Variants in THSD4 observed in about 807,000 individuals in gnomAD.
THSD4 encodes thrombospondin type 1 domain containing 4, also known as thrombospondin type-1 domain-containing protein 4.
A neutral mutation model predicts 119.0 loss-of-function variants in THSD4; 69 were observed. That is an observed-to-expected ratio of 0.58 (90% CI 0.48 to 0.71). The LOEUF is 0.71. Ranked by LOEUF, THSD4 falls within the 30% of genes least tolerant of loss-of-function variation. THSD4 has a pLI of 0.00. For missense variants in THSD4, 1,393 were observed against 1,391.1 expected (o/e 1.00, Z -0.02); for synonymous variants, 524 against 540.4 (o/e 0.97, Z 0.42).
At chr15:71,432,943 A>G (rs1317668892) in intron 7 of THSD4, among the ~76,000 whole-genome samples, 3 of 152,046 alleles carry the variant, frequency 2.0e-5, no homozygotes, top group African/African-American at 7.2e-5. Flanking sequence ...TGTTGTATAC[A>G]GAATTATTTC....
rs748477091 is a variant in THSD4, at chr15:71,628,980, C to T, written c.1153-31550C>T. On this transcript the variant is annotated intron_variant, in intron 7 of 17. Transcript: ENST00000261862. ...GAGACTGTTCTAGACACTTGCGATGCGAAGATAAACAAGGCAGTTTTATAA... is the reference window on the plus strand; with the variant it reads ...GAGACTGTTCTAGACACTTGCGATGTGAAGATAAACAAGGCAGTTTTATAA... 1.4e-4 allele frequency among the ~76,000 whole-genome samples: 22 copies of T among 152,220 alleles called. 1 individual carries two copies. The highest frequency in any genetic ancestry group is 4.1e-4 in the South Asian group (2 of 4,820).
intron 8 of THSD4, among the ~76,000 whole-genome samples, chr15:71,724,266 G>GCTATATATATATATATAT (rs2052778703): frequency 1.3e-5 from 1 of 74,584 alleles, no homozygotes; most frequent in Non-Finnish European, 3.1e-5. Flanking sequence ...TCTATGATGG[G>GCTATATATATATATATAT]ATATATATAT....
Position 71,215,049 on chromosome 15 carries a change from G to T in THSD4, c.114G>T (p.Met38Ile). The change falls in exon 4 of 18, where the codon ATG becomes ATT. Residue 38 changes from methionine (M) to isoleucine (I), a missense_variant. Coordinates refer to ENST00000261862, the MANE Select transcript of THSD4 (RefSeq NM_024817.3). Reference protein sequence around the residue: ...STQHRKVPQRMAAEGAPEDDG... With the variant: ...STQHRKVPQRIAAEGAPEDDG... ...TGTCTCCGCAGGTCCCGCAGCGGAT[G>T]GCGGCGGAGGGCGCCCCCGAGGACG... is the stretch of plus-strand genomic sequence containing the variant. The T allele has an allele frequency of 2.3e-6, 3 of 1,290,420 alleles. No individual in the cohort carries two copies. Among genetic ancestry groups the T allele is most frequent in the Non-Finnish European group, 3.0e-6 (3 of 1,014,688 alleles). The allele number at this position is 1,290,420 out of a possible 1,614,324, so 79.9% of individuals were successfully genotyped here. A position where few individuals can be genotyped will look rare whatever the true frequency, so the allele number is the denominator to read the frequency against.
chr15:71,728,318 A>T (rs919757388), intron 8 of THSD4, among the ~76,000 whole-genome samples: 1 of 151,830 alleles, frequency 6.6e-6, no homozygotes, highest in Non-Finnish European at 1.5e-5. Flanking sequence ...CTACATTTCT[A>T]TACTAAGTCC....
At chr15:71,566,156 C>CTTT (rs58827489) in intron 7 of THSD4, among the ~76,000 whole-genome samples, 1 of 141,784 alleles carries the variant, frequency 7.1e-6, no homozygotes, top group Non-Finnish European at 1.5e-5. Context: ...TTCTTTTTTT[C>CTTT]TTTTTTTTTT....
At chr15:71,438,292 AT>A (rs201562397) in intron 7 of THSD4, among the ~76,000 whole-genome samples, 32 of 148,256 alleles carry the variant, frequency 2.2e-4, no homozygotes, top group South Asian at 6.5e-4. Flanking sequence ...TGCAGGGTTT[AT>A]TTTTTTTTTA....
At chr15:71,326,342 A>ATGG (rs1189914664) in intron 6 of THSD4, among the ~76,000 whole-genome samples, 1 of 152,054 alleles carries the variant, frequency 6.6e-6, no homozygotes, top group African/African-American at 2.4e-5. Flanking sequence ...CACTCAGAAA[A>ATGG]TGGTGGTGGT....
At chr15:71,392,503 C>T (rs1287682476) in intron 6 of THSD4, among the ~76,000 whole-genome samples, 1 of 152,188 alleles carries the variant, frequency 6.6e-6, no homozygotes. Context: ...AGAGATCATC[C>T]TCTTTCTCTT....
chr15:71,750,569 T>G (rs1167816139), intron 14 of THSD4, among the ~76,000 whole-genome samples: 1 of 152,212 alleles, frequency 6.6e-6, no homozygotes, highest in African/African-American at 2.4e-5. Flanking sequence ...TCTTCTTGTG[T>G]GTTCCCCACA....
At chr15:71,332,892 ATTTT>A in intron 6 of THSD4, among the ~76,000 whole-genome samples, 2 of 76,940 alleles carry the variant, frequency 2.6e-5, no homozygotes, top group South Asian at 5.8e-4. Context: ...ATTTTTTTAC[ATTTT>A]TTTTTTTTTT....
At chr15:71,691,819 A>T (rs1244616558) in intron 8 of THSD4, among the ~76,000 whole-genome samples, 1 of 152,078 alleles carries the variant, frequency 6.6e-6, no homozygotes, top group East Asian at 1.9e-4. Flanking sequence ...CATTGCTGGG[A>T]GGCTCAGATG....
chr15:71,659,974 T>C (rs1254518433), intron 7 of THSD4, among the ~76,000 whole-genome samples: 1 of 152,114 alleles, frequency 6.6e-6, no homozygotes, highest in Non-Finnish European at 1.5e-5. Flanking sequence ...GGAAAAGTGC[T>C]CTGGGGTAAC....
intron 7 of THSD4, among the ~76,000 whole-genome samples, chr15:71,557,400 TA>T (rs2049036928): frequency 6.6e-6 from 1 of 152,220 alleles, no homozygotes; most frequent in South Asian, 2.1e-4. Context: ...GAGGGTTCTT[TA>T]AAAAAATATA....
chr15:71,725,744 T>C (rs2052821590), intron 8 of THSD4, among the ~76,000 whole-genome samples: 3 of 152,134 alleles, frequency 2.0e-5, no homozygotes, highest in Admixed American at 6.5e-5. Context: ...AGAAGCCAGA[T>C]TGGAGATGGT....
chr15:71,168,257 A>C (rs1263794821), intron 3 of THSD4, among the ~76,000 whole-genome samples: 1 of 152,222 alleles, frequency 6.6e-6, no homozygotes, highest in Non-Finnish European at 1.5e-5. Flanking sequence ...AGAATGCTTT[A>C]AAATTAATGA....
At chr15:71,464,963 GAGTA>G (rs879942168) in intron 7 of THSD4, among the ~76,000 whole-genome samples, 57 of 151,938 alleles carry the variant, frequency 3.8e-4, no homozygotes, top group African/African-American at 1.3e-3. Context: ...ATTCCCCCGT[GAGTA>G]AGTAAGAAAT....
intron 7 of THSD4, among the ~76,000 whole-genome samples, chr15:71,485,354 G>A (rs1435078968): frequency 6.6e-6 from 1 of 152,136 alleles, no homozygotes; most frequent in Non-Finnish European, 1.5e-5. Context: ...AGGCTGAGAA[G>A]GTTGAACTAG....
chr15:71,449,840 C>A (rs1483385345), intron 7 of THSD4, among the ~76,000 whole-genome samples: 1 of 152,344 alleles, frequency 6.6e-6, no homozygotes, highest in East Asian at 1.9e-4. Flanking sequence ...GAAAAGCAGT[C>A]ATCTTAATAC....
intron 6 of THSD4, among the ~76,000 whole-genome samples, chr15:71,337,604 G>T (rs992356473): frequency 1.3e-5 from 2 of 152,190 alleles, no homozygotes; most frequent in Non-Finnish European, 2.9e-5. Context: ...TGGACATTCT[G>T]GCCCGCAGGT....
Sources: allele counts gnomAD v4.1 joint callset (sites outside exome capture counted in the v4.1 genomes callset), GRCh38; gene constraint gnomAD v4.1.1; transcripts MANE v1.5; gene names NCBI Gene and HGNC (gene_info 2026-07-23, HGNC 2026-07-21).